The following DPYSL2 variants were observed in gnomAD, a reference collection of about 807,000 sequenced individuals.
The protein encoded by DPYSL2 is dihydropyrimidinase like 2.
Under a neutral mutation model 69.9 loss-of-function variants are expected in DPYSL2, and 13 were observed. The ratio of observed to expected loss-of-function variants is 0.19; its 90% CI spans 0.12 to 0.30. The LOEUF is 0.30. DPYSL2 is among the 10% of genes least tolerant of loss of function. The pLI is 1.00. For synonymous variants in DPYSL2, 326 were observed against 359.1 expected (o/e 0.91, Z 1.04); for missense variants, 587 against 918.9 (o/e 0.64, Z 4.67).
intron 1 of DPYSL2, among the ~76,000 whole-genome samples, chr8:26,559,712 C>T (rs1380852223): frequency 2.6e-5 from 4 of 152,056 alleles, no homozygotes; most frequent in African/African-American, 7.2e-5. Flanking sequence ...CTTAATTTAT[C>T]GTCTACTTTT....
rs1420973126 is a variant in DPYSL2, at chr8:26,655,745, G to A, written c.*39G>A. ...TGCCGTCCACTGGGGACTGGGGATG[G>A]GACACCTGAGGACATTCTGAGACTT... On this transcript the variant is annotated 3_prime_UTR_variant, in exon 14 of 14. Transcript: ENST00000521913. 2.8e-6 allele frequency: 4 copies of A among 1,449,774 alleles called. No homozygotes were observed. The highest frequency in any genetic ancestry group is 1.8e-4 in the Middle Eastern group (1 of 5,532). The allele number at this position is 1,449,774 out of a possible 1,614,324, so 89.8% of individuals were successfully genotyped here. A position where few individuals can be genotyped will look rare whatever the true frequency, so the allele number is the denominator to read the frequency against.
intron 3 of DPYSL2, among the ~76,000 whole-genome samples, chr8:26,602,933 C>T (rs186228389): frequency 3.4e-4 from 52 of 152,252 alleles, no homozygotes; most frequent in Middle Eastern, 6.8e-3. Flanking sequence ...CCTTGAAAGC[C>T]GGCTCAAATT....
At chr8:26,567,521 G>A (rs1194700672) in intron 1 of DPYSL2, among the ~76,000 whole-genome samples, 1 of 152,248 alleles carries the variant, frequency 6.6e-6, no homozygotes, top group Non-Finnish European at 1.5e-5. Context: ...TCTTCAAGAT[G>A]CTTACTGTCT....
chr8:26,578,024 TTC>T (rs758257040), intron 1 of DPYSL2: 1 of 1,391,930 alleles, frequency 7.2e-7, no homozygotes, highest in Non-Finnish European at 9.3e-7. Context: ...TCTCTTTTTT[TTC>T]CGCCCTAGCT....
At position 26,652,344 on chromosome 8, in the gene DPYSL2, G is replaced by A. The variant is rs1051243615; in HGVS notation, c.1684G>A (p.Gly562Ser). ...ISQGKIVLED[G>S]TLHVTEGSGR... Reference sequence around the variant, plus strand: ...CCAGGGGAAGATTGTCCTGGAGGACGGCACCCTGCATGTCACCGAAGGCTC... The same window carrying A: ...CCAGGGGAAGATTGTCCTGGAGGACAGCACCCTGCATGTCACCGAAGGCTC... The change falls in exon 12 of 14, where the codon GGC (glycine) becomes AGC (serine). Residue 562 changes from glycine to serine, a missense_variant. Physicochemically the swap from Gly to Ser is moderately conservative, Grantham distance 56. Transcript: ENST00000521913. The surrounding 1 kb of genome is among the most constrained non-coding windows in gnomAD (Gnocchi z 6.3). 4 of 1,614,088 alleles carry A rather than the reference G, an allele frequency of 2.5e-6. No homozygotes were observed. In the African/African-American group the frequency reaches 5.3e-5, roughly 22 times the overall value.
chr8:26,573,135 C>T (rs781167629), intron 1 of DPYSL2, among the ~76,000 whole-genome samples: 13 of 152,172 alleles, frequency 8.5e-5, no homozygotes, highest in Middle Eastern at 6.3e-3. Context: ...GCTACAGCCC[C>T]GCAGAGAATA....
At chr8:26,536,377 A>C (rs968211099) in intron 1 of DPYSL2, among the ~76,000 whole-genome samples, 12 of 151,972 alleles carry the variant, frequency 7.9e-5, no homozygotes, top group African/African-American at 2.9e-4. Flanking sequence ...GTTTTTTAAA[A>C]AGTAAATTAT....
At chr8:26,628,535 G>A (rs929432154) in intron 7 of DPYSL2, among the ~76,000 whole-genome samples, 2 of 152,232 alleles carry the variant, frequency 1.3e-5, no homozygotes, top group African/African-American at 2.4e-5. Flanking sequence ...AGGTAATGGA[G>A]AACCTGTGTT....
intron 3 of DPYSL2, among the ~76,000 whole-genome samples, chr8:26,622,169 CTTT>C (rs1802507402): frequency 7.3e-6 from 1 of 137,766 alleles, no homozygotes; most frequent in Admixed American, 7.5e-5. Flanking sequence ...CTCTCTCTCT[CTTT>C]CTTTCTTTCT....
At position 26,514,475 on chromosome 8, in the gene DPYSL2, C is replaced by T; in HGVS notation, c.150C>T (p.Ile50=). The T allele has an allele frequency of 2.0e-6, 3 of 1,528,606 alleles. No homozygotes were observed. The highest frequency in any genetic ancestry group is 2.6e-6 in the Non-Finnish European group (3 of 1,144,250). The allele number at this position is 1,528,606 out of a possible 1,614,324, so 94.7% of individuals were successfully genotyped here. A position where few individuals can be genotyped will look rare whatever the true frequency, so the allele number is the denominator to read the frequency against. The change falls in exon 1 of 14, where the codon ATC becomes ATT. Residue 50 remains isoleucine, a synonymous_variant. Transcript: ENST00000521913. The surrounding 1 kb of genome is among the most constrained non-coding windows in gnomAD (Gnocchi z 8.4). ...AAGGGTCCTCGGAGAACAAGACCAT[C>T]GACTTCGACTCGCTGTCGGTGGGCC... is the stretch of plus-strand genomic sequence containing the variant. The part of the protein sequence containing the change: ...PVEGSSENKT[I]DFDSLSVGRG...
chr8:26,544,520 C>A (rs184646654), intron 1 of DPYSL2, among the ~76,000 whole-genome samples: 3 of 152,270 alleles, frequency 2.0e-5, no homozygotes, highest in African/African-American at 4.8e-5. Context: ...GACTTAAGTT[C>A]GTCTACTATA....
At position 26,514,674 on chromosome 8, in the gene DPYSL2, G is replaced by A; in HGVS notation, c.349G>A (p.Asp117Asn). The stretch of plus-strand genomic sequence containing the variant: ...CAAAGAAGCCCTGCAGAACATCAAC[G>A]ACCAGGTCGGTGTGGGGGTTGGGGG... ...SGKEALQNIN[D>N]QSDRLLIKGG... is the part of the protein sequence containing the mutation. The change falls in exon 1 of 14, where the codon GAC becomes AAC. Residue 117 changes from aspartate to asparagine, a missense_variant. By Grantham distance (23) the Asp-to-Asn change is conservative (BLOSUM62 1). This residue lies in a region of DPYSL2 where 85 missense variants were observed against 77.7 expected (regional missense o/e 1.09). Transcript: ENST00000521913. The surrounding 1 kb of genome is among the most constrained non-coding windows in gnomAD (Gnocchi z 8.4). The A allele has an allele frequency of 2.9e-6, 4 of 1,399,962 alleles. No homozygotes were observed. Among genetic ancestry groups the A allele is most frequent in the Non-Finnish European group, 3.7e-6 (4 of 1,079,468 alleles). The allele number at this position is 1,399,962 out of a possible 1,614,324, so 86.7% of individuals were successfully genotyped here.
At chr8:26,589,342 C>T (rs917454113) in intron 3 of DPYSL2, among the ~76,000 whole-genome samples, 6 of 152,202 alleles carry the variant, frequency 3.9e-5, no homozygotes, top group African/African-American at 9.7e-5. Flanking sequence ...TTCAGCCTTG[C>T]GTGTGGTTCA....
chr8:26,599,488 TA>T (rs1374627294), intron 3 of DPYSL2, among the ~76,000 whole-genome samples: 1 of 152,136 alleles, frequency 6.6e-6, no homozygotes, highest in Non-Finnish European at 1.5e-5. Flanking sequence ...AGAAATGTCA[TA>T]AGGGATTTTC....
chr8:26,584,503 A>G (rs575711331), intron 3 of DPYSL2, among the ~76,000 whole-genome samples: 12 of 152,044 alleles, frequency 7.9e-5, no homozygotes, highest in Admixed American at 7.2e-4. Flanking sequence ...CATAAAAGGA[A>G]TTGGGCAGCC....
chr8:26,635,932 G>C (rs999720988), intron 8 of DPYSL2, among the ~76,000 whole-genome samples: 1 of 152,152 alleles, frequency 6.6e-6, no homozygotes, highest in Non-Finnish European at 1.5e-5. Flanking sequence ...CATGGATCAA[G>C]GTGGGCTGTG....
chr8:26,639,826 G>A lies in DPYSL2; in HGVS notation c.1127-3613G>A, dbSNP rs533915384. Among the ~76,000 whole-genome samples, 264 of 152,138 alleles carry A rather than the reference G, an allele frequency of 1.7e-3. 1 individual carries two copies. Among genetic ancestry groups the A allele is most frequent in the Non-Finnish European group, 2.8e-3 (192 of 68,006 alleles). On this transcript the variant is annotated intron_variant, in intron 8 of 13. Transcript: ENST00000521913. ...TACTCTCCTCTTTTTACTACTGGACGTAGAATCATTAGTGCCTTTCAACCC... is the reference window on the plus strand; with the variant it reads ...TACTCTCCTCTTTTTACTACTGGACATAGAATCATTAGTGCCTTTCAACCC...
chr8:26,603,236 G>A (rs778952169), intron 3 of DPYSL2, among the ~76,000 whole-genome samples: 4 of 151,978 alleles, frequency 2.6e-5, no homozygotes, highest in Non-Finnish European at 4.4e-5. Context: ...GCAGTGGCCC[G>A]ATCTTGGCTC....
At chr8:26,584,214 A>G (rs758315751) in intron 3 of DPYSL2, among the ~76,000 whole-genome samples, 5 of 152,220 alleles carry the variant, frequency 3.3e-5, no homozygotes, top group Non-Finnish European at 5.9e-5. Flanking sequence ...GGAGTTTGGT[A>G]AGATGAATGA....
Sources: allele counts gnomAD v4.1 joint callset (sites outside exome capture counted in the v4.1 genomes callset), GRCh38; gene constraint gnomAD v4.1.1; regional missense constraint gnomAD v4.1.1; non-coding constraint Gnocchi (gnomAD v3.1); transcripts MANE v1.5; gene names NCBI Gene and HGNC (gene_info 2026-07-23, HGNC 2026-07-21).